BBOX1: variants seen among roughly 807,000 people sequenced by gnomAD.
The protein encoded by BBOX1 is gamma-butyrobetaine hydroxylase 1.
BBOX1 carries 35 observed loss-of-function variants against 41.6 expected under a neutral mutation model. The ratio of observed to expected loss-of-function variants is 0.84; its 90% CI spans 0.64 to 1.11. BBOX1 has a LOEUF of 1.11. BBOX1 is among the 50% of genes most tolerant of loss of function. The pLI, the probability that BBOX1 is intolerant of heterozygous loss-of-function variation, is 0.00. For missense variants in BBOX1, 458 were observed against 460.6 expected, an observed-to-expected ratio of 0.99 and a Z score of 0.05; for synonymous variants, 163 against 154.7, an observed-to-expected ratio of 1.05 and a Z score of -0.40.
At chr11:27,124,061 A>C (rs1288381290) in intron 7 of BBOX1, among the ~76,000 whole-genome samples, 2 of 152,124 alleles carry the variant, frequency 1.3e-5, no homozygotes, top group Non-Finnish European at 2.9e-5. Context: ...GCCACCATGC[A>C]CAAGGGGCCC....
chr11:27,089,686 A>G (rs980168871), intron 4 of BBOX1, among the ~76,000 whole-genome samples: 1 of 151,992 alleles, frequency 6.6e-6, no homozygotes, highest in African/African-American at 2.4e-5. Context: ...ATCCACTTCT[A>G]ATACTCCATG....
chr11:27,119,923 C>A, intron 7 of BBOX1, 78 bp downstream of exon 7: 1 of 875,844 alleles, frequency 1.1e-6, no homozygotes, highest in Non-Finnish European at 1.6e-6. Flanking sequence ...GTTTAAACAG[C>A]ACAAAACTTC....
In BBOX1 at chr11:27,057,296, A is replaced by C; in HGVS notation, c.315A>C (p.Gln105His). Residue 105 changes from glutamine to histidine, a missense_variant, in exon 4 of 9, where the codon CAA becomes CAC. Coordinates refer to ENST00000263182, the MANE Select transcript of BBOX1 (RefSeq NM_003986.3). ...CCAAGCAGGCCAGAGCAAAGCTCCAAAGAGAATTGTTTTTTCCAGGTAACT... is the reference window on the plus strand; with the variant it reads ...CCAAGCAGGCCAGAGCAAAGCTCCACAGAGAATTGTTTTTTCCAGGTAACT... ...CFSKQARAKL[Q>H]RELFFPECQY... 1 of 1,611,268 alleles carries C rather than the reference A, an allele frequency of 6.2e-7. No individual in the cohort carries two copies. The highest frequency in any genetic ancestry group is 2.2e-5 in the East Asian group (1 of 44,810).
At chr11:27,122,205 A>C (rs1245084795) in intron 7 of BBOX1, among the ~76,000 whole-genome samples, 2 of 152,174 alleles carry the variant, frequency 1.3e-5, no homozygotes, top group Non-Finnish European at 2.9e-5. Flanking sequence ...AAAGAAAAAT[A>C]AATCAATAAA....
At position 27,115,420 on chromosome 11, in the gene BBOX1, C is replaced by T. The variant is rs750057624; in HGVS notation, c.534-32C>T. 2.6e-6 allele frequency: 4 copies of T among 1,554,352 alleles called. No homozygotes were observed. The African/African-American group carries it at 4.1e-5, about 16-fold the overall frequency. On this transcript the variant is annotated intron_variant, in intron 5 of 8. Transcript: ENST00000263182. ...GCATTTCCTCTGGCTTAGTGACAAC[C>T]TGTTTAAACATGTGTTTCTTGCATT...
chr11:27,068,930 T>C (rs898694751), intron 4 of BBOX1, among the ~76,000 whole-genome samples: 18 of 152,168 alleles, frequency 1.2e-4, no homozygotes, highest in African/African-American at 3.9e-4. Flanking sequence ...CATTGTTCTA[T>C]GTGTTTACTT....
rs76091927 is a variant in BBOX1, at chr11:27,095,846, G to A, written c.533+2480G>A. Among the ~76,000 whole-genome samples the A allele has an allele frequency of 2.2e-4, 33 of 152,020 alleles. 1 individual carries two copies. In the East Asian group the frequency reaches 6.4e-3, roughly 29 times the overall value. On this transcript the variant is annotated intron_variant, in intron 5 of 8. Coordinates refer to ENST00000263182, the MANE Select transcript of BBOX1 (RefSeq NM_003986.3). ...TTTTTCCATTTCTCTGCATAGTAAT[G>A]TGCAAAAGTGATACTGAAGTCTGGG...
chr11:27,110,251 T>C (rs1382335353), intron 5 of BBOX1, among the ~76,000 whole-genome samples: 1 of 151,960 alleles, frequency 6.6e-6, no homozygotes, highest in African/African-American at 2.4e-5. Flanking sequence ...CCTACCTTTT[T>C]CCCAGTACCA....
At chr11:27,105,523 TGAGAA>T (rs1199760694) in intron 5 of BBOX1, among the ~76,000 whole-genome samples, 2 of 151,848 alleles carry the variant, frequency 1.3e-5, no homozygotes, top group Non-Finnish European at 2.9e-5. Flanking sequence ...TGAAATGAAG[TGAGAA>T]GAGAAGTTTA....
At chr11:27,108,508 G>A (rs942079880) in intron 5 of BBOX1, among the ~76,000 whole-genome samples, 5 of 152,048 alleles carry the variant, frequency 3.3e-5, no homozygotes, top group Non-Finnish European at 4.4e-5. Flanking sequence ...AAATGCCAGT[G>A]TTGACAATCG....
intron 4 of BBOX1, among the ~76,000 whole-genome samples, chr11:27,085,702 A>G (rs1858017647): frequency 6.6e-6 from 1 of 152,024 alleles, no homozygotes. Flanking sequence ...CATGTCTCTC[A>G]CTTTAAATCA....
At chr11:27,074,996 C>T (rs539492538) in intron 4 of BBOX1, among the ~76,000 whole-genome samples, 7 of 152,294 alleles carry the variant, frequency 4.6e-5, no homozygotes, top group Non-Finnish European at 1.5e-5. Flanking sequence ...TTCTGGGGTC[C>T]GGAGGACGTG....
chr11:27,072,146 T>C (rs1192972532), intron 4 of BBOX1, among the ~76,000 whole-genome samples: 9 of 152,210 alleles, frequency 5.9e-5, no homozygotes, highest in African/African-American at 1.2e-4. Context: ...TGTTTGCAGA[T>C]GACATGATTG....
At chr11:27,072,084 G>A (rs1350110683) in intron 4 of BBOX1, among the ~76,000 whole-genome samples, 1 of 152,174 alleles carries the variant, frequency 6.6e-6, no homozygotes, top group African/African-American at 2.4e-5. Flanking sequence ...CATCGGTCAA[G>A]AGAAAGAAAT....
In BBOX1 at chr11:27,057,193, G is replaced by A; in HGVS notation, c.220-8G>A. ...CACATAGGTGAAATTTGCTTTTTGT[G>A]TTATAAGGTGTACATCACATGGCCC... is the stretch of plus-strand genomic sequence containing the variant. On this transcript the variant is annotated splice_polypyrimidine_tract_variant and splice_region_variant and intron_variant, in intron 3 of 8. Transcript: ENST00000263182. 6.4e-7 allele frequency: 1 copy of A among 1,567,206 alleles called. No individual in the cohort carries two copies. The highest frequency in any genetic ancestry group is 1.2e-5 in the South Asian group (1 of 82,010).
At chr11:27,112,156 G>T (rs1044580981) in intron 5 of BBOX1, among the ~76,000 whole-genome samples, 2 of 151,942 alleles carry the variant, frequency 1.3e-5, no homozygotes, top group African/African-American at 4.8e-5. Flanking sequence ...AAATTCCCTA[G>T]TTCTTCAACA....
At chr11:27,063,721 T>C (rs1193917978) in intron 4 of BBOX1, among the ~76,000 whole-genome samples, 1 of 151,916 alleles carries the variant, frequency 6.6e-6, no homozygotes, top group Non-Finnish European at 1.5e-5. Flanking sequence ...GTCTTTACCA[T>C]CTACTAAATC....
chr11:27,105,424 G>T (rs974777408), intron 5 of BBOX1, among the ~76,000 whole-genome samples: 5 of 152,136 alleles, frequency 3.3e-5, no homozygotes, highest in Non-Finnish European at 7.3e-5. Context: ...GAAAACCATG[G>T]CACGAGAACT....
chr11:27,089,109 G>A (rs1274995393), intron 4 of BBOX1, among the ~76,000 whole-genome samples: 1 of 151,852 alleles, frequency 6.6e-6, no homozygotes, highest in Non-Finnish European at 1.5e-5. Context: ...TCAAACCCAA[G>A]TCTCTTGCCT....
Sources: allele counts gnomAD v4.1 joint callset (sites outside exome capture counted in the v4.1 genomes callset), GRCh38; gene constraint gnomAD v4.1.1; transcripts MANE v1.5; gene names NCBI Gene and HGNC (gene_info 2026-07-23, HGNC 2026-07-21).